Variants in SGIP1 observed in about 807,000 individuals in gnomAD.
The protein encoded by SGIP1 is SH3-containing GRB2-like protein 3-interacting protein 1.
SGIP1 carries 38 observed loss-of-function variants against 107.5 expected under a neutral mutation model. That is an observed-to-expected ratio of 0.35 (90% CI 0.27 to 0.46). SGIP1 has a LOEUF of 0.46. Ranked by LOEUF, SGIP1 falls within the 20% of genes least tolerant of loss-of-function variation. The pLI, the probability that SGIP1 is intolerant of heterozygous loss-of-function variation, is 1.00. For missense variants in SGIP1, 929 were observed against 1,019.5 expected (o/e 0.91, Z 1.21); for synonymous variants, 365 against 366.1 (o/e 1.00, Z 0.03).
In SGIP1 at chr1:66,688,238, T is replaced by C. The variant is rs151191944; in HGVS notation, c.1316-910T>C. Among the ~76,000 whole-genome samples, 96 of 152,338 alleles carry C rather than the reference T, an allele frequency of 6.3e-4. 1 individual carries two copies. The East Asian group carries it at 0.013, about 21-fold the overall frequency. On this transcript the variant is annotated intron_variant, in intron 15 of 24. Transcript: ENST00000371037. ...AAAACCTCAGGAGTAGTCAGAACTTTTCTGAACAAGAACGGTTTGAACGTT... is the reference window on the plus strand; with the variant it reads ...AAAACCTCAGGAGTAGTCAGAACTTCTCTGAACAAGAACGGTTTGAACGTT...
At chr1:66,719,512 T>C (rs1280351302) in intron 19 of SGIP1, 107 bp downstream of exon 19, 2 of 700,508 alleles carry the variant, frequency 2.9e-6, no homozygotes, top group African/African-American at 3.6e-5. Context: ...CAAAAAATAA[T>C]TCAGTTAGCA....
intron 17 of SGIP1, among the ~76,000 whole-genome samples, chr1:66,693,220 G>A (rs545012458): frequency 6.6e-6 from 1 of 150,422 alleles, no homozygotes; most frequent in South Asian, 2.1e-4. Context: ...ACAAGCCTGG[G>A]CAACATAGCA....
Position 66,745,682 on chromosome 1 carries a change from G to A in SGIP1, c.*2587G>A, listed in dbSNP as rs1383694401. ...TCAGTACTAGGGGTTAAAACAAAAAGAAATTGTTCTAGTTAACCAGAACAC... is the reference window on the plus strand; with the variant it reads ...TCAGTACTAGGGGTTAAAACAAAAAAAAATTGTTCTAGTTAACCAGAACAC... On this transcript the variant is annotated 3_prime_UTR_variant, in exon 25 of 25. Transcript: ENST00000371037. The A allele has an allele frequency of 3.3e-5, 5 of 151,984 alleles. No homozygotes were observed. Among genetic ancestry groups the A allele is most frequent in the African/African-American group, 1.2e-4 (5 of 41,430 alleles). The allele number at this position is 151,984 out of a possible 1,614,324, so 9.4% of individuals were successfully genotyped here. A position where few individuals can be genotyped will look rare whatever the true frequency, so the allele number is the denominator to read the frequency against.
rs561703216 is a variant in SGIP1 at position 66,625,526 on chromosome 1, C to T, written c.11-321C>T. 1.3e-4 allele frequency among the ~76,000 whole-genome samples: 20 copies of T among 152,342 alleles called. No individual in the cohort carries two copies. The East Asian group carries it at 3.9e-3, about 29-fold the overall frequency. The stretch of plus-strand genomic sequence containing the variant: ...CTATTCTTCTAAATCTGTGATTTGG[C>T]TTCCTGGCAGAACCCCAATATGGGT... On this transcript the variant is annotated intron_variant, in intron 1 of 24. Coordinates refer to ENST00000371037, the MANE Select transcript of SGIP1 (RefSeq NM_032291.4).
chr1:66,659,973 A>G (rs2080662053), intron 7 of SGIP1, among the ~76,000 whole-genome samples: 1 of 67,380 alleles, frequency 1.5e-5, no homozygotes, highest in Non-Finnish European at 2.5e-5. Context: ...AAAGAAAGAA[A>G]GAAAGAAAGA....
chr1:66,747,404 A>T lies in SGIP1; in HGVS notation c.*4309A>T, dbSNP rs1364676611. On this transcript the variant is annotated 3_prime_UTR_variant, in exon 25 of 25. Coordinates refer to ENST00000371037, the MANE Select transcript of SGIP1 (RefSeq NM_032291.4). Reference sequence around the variant, plus strand: ...TTAAAAAATTTTTTTCCCTAGGAAAATCCCTATCTTTTTCTTAAAGTTACT... The same window carrying T: ...TTAAAAAATTTTTTTCCCTAGGAAATTCCCTATCTTTTTCTTAAAGTTACT... 1 of 151,936 alleles carries T rather than the reference A, an allele frequency of 6.6e-6. No individual in the cohort carries two copies. Among genetic ancestry groups the T allele is most frequent in the Non-Finnish European group, 1.5e-5 (1 of 67,888 alleles). The allele number at this position is 151,936 out of a possible 1,614,324, so 9.4% of individuals were successfully genotyped here.
chr1:66,732,762 CT>C (rs1174396831), intron 20 of SGIP1, among the ~76,000 whole-genome samples: 3 of 151,738 alleles, frequency 2.0e-5, no homozygotes, highest in African/African-American at 7.3e-5. Context: ...GTTTGCTCAT[CT>C]TTAAAAACAA....
chr1:66,660,433 C>T, intron 7 of SGIP1, 80 bp from the exon 8 acceptor site: 2 of 1,373,996 alleles, frequency 1.5e-6, no homozygotes, highest in Non-Finnish European at 2.1e-6. Context: ...TATCCTGAAC[C>T]TTGACCTGTT....
At chr1:66,675,996 T>G (rs545978326) in intron 12 of SGIP1, among the ~76,000 whole-genome samples, 2 of 152,340 alleles carry the variant, frequency 1.3e-5, no homozygotes, top group Non-Finnish European at 2.9e-5. Flanking sequence ...GGAACTGGTA[T>G]CAACCACATA....
At chr1:66,598,486 A>C (rs760541464) in intron 1 of SGIP1, among the ~76,000 whole-genome samples, 1 of 152,160 alleles carries the variant, frequency 6.6e-6, no homozygotes, top group Non-Finnish European at 1.5e-5. Context: ...GTTTGTTCTC[A>C]TGTGCTATAA....
At chr1:66,656,237 G>C (rs1275824400) in intron 7 of SGIP1, among the ~76,000 whole-genome samples, 1 of 152,166 alleles carries the variant, frequency 6.6e-6, no homozygotes, top group Non-Finnish European at 1.5e-5. Flanking sequence ...CCACTGGAAG[G>C]CCTGCAGGGG....
chr1:66,596,938 A>T (rs569374146), intron 1 of SGIP1, among the ~76,000 whole-genome samples: 67 of 152,298 alleles, frequency 4.4e-4, no homozygotes, highest in African/African-American at 1.5e-3. Context: ...TTCAAACTCA[A>T]GGTAGCTGTA....
At chr1:66,718,255 C>A (rs142816171) in intron 18 of SGIP1, among the ~76,000 whole-genome samples, 1 of 151,932 alleles carries the variant, frequency 6.6e-6, no homozygotes, top group Non-Finnish European at 1.5e-5. Flanking sequence ...TTTTGTTTGG[C>A]AGGAAGGGGA....
In SGIP1 at chr1:66,687,148, G is replaced by A. The variant is rs181066698; in HGVS notation, c.1316-2000G>A. 1.9e-3 allele frequency among the ~76,000 whole-genome samples: 296 copies of A among 152,286 alleles called. 1 individual carries two copies. The highest frequency in any genetic ancestry group is 3.3e-3 in the Non-Finnish European group (225 of 68,020). On this transcript the variant is annotated intron_variant, in intron 15 of 24. Coordinates refer to ENST00000371037, the MANE Select transcript of SGIP1 (RefSeq NM_032291.4). ...TTTAAATTTCTTTTTTCTGGAGCAT[G>A]TAGGAAAAGGATAAACAGTTGGCTT...
chr1:66,727,331 A>G (rs2093801856), intron 19 of SGIP1, among the ~76,000 whole-genome samples: 1 of 152,244 alleles, frequency 6.6e-6, no homozygotes, highest in Admixed American at 6.5e-5. Context: ...ATGGAAATGC[A>G]AATTAAAACA....
intron 1 of SGIP1, among the ~76,000 whole-genome samples, chr1:66,559,327 C>T (rs2058613853): frequency 6.6e-6 from 1 of 152,040 alleles, no homozygotes; most frequent in African/African-American, 2.4e-5. Flanking sequence ...TCCTGAATTC[C>T]TGTTTTATCC....
At chr1:66,634,331 C>G (rs1429261565) in intron 3 of SGIP1, among the ~76,000 whole-genome samples, 1 of 152,156 alleles carries the variant, frequency 6.6e-6, no homozygotes, top group Non-Finnish European at 1.5e-5. Context: ...CACTCTCAGT[C>G]TTGTCCTTAT....
At position 66,751,036 on chromosome 1, in the gene SGIP1, T is replaced by C. The variant is rs1197527651; in HGVS notation, c.*7941T>C. ...CACGTTACTGCAACTAGGGCTCCCA[T>C]TCCAGAACAAAGTTTAATTCTATAT... On this transcript the variant is annotated 3_prime_UTR_variant, in exon 25 of 25. Coordinates refer to ENST00000371037, the MANE Select transcript of SGIP1 (RefSeq NM_032291.4). 2.6e-5 allele frequency among the ~76,000 whole-genome samples: 4 copies of C among 152,244 alleles called. No homozygotes were observed. Among genetic ancestry groups the C allele is most frequent in the Non-Finnish European group, 5.9e-5 (4 of 68,036 alleles).
intron 1 of SGIP1, among the ~76,000 whole-genome samples, chr1:66,562,477 T>A (rs2059096007): frequency 6.6e-6 from 1 of 151,868 alleles, no homozygotes; most frequent in Admixed American, 6.6e-5. Context: ...CAATAAAGAC[T>A]GGGATAGAGA....
Sources: allele counts gnomAD v4.1 joint callset (sites outside exome capture counted in the v4.1 genomes callset), GRCh38; gene constraint gnomAD v4.1.1; transcripts MANE v1.5; gene names NCBI Gene and HGNC (gene_info 2026-07-23, HGNC 2026-07-21).